Variants in WDR41 observed in about 807,000 individuals in gnomAD.
WDR41 encodes the protein WD repeat-containing protein 41.
A neutral mutation model predicts 69.3 loss-of-function variants in WDR41; 63 were observed. The observed-to-expected ratio is 0.91, with a 90% confidence interval of 0.74 to 1.12. The LOEUF is 1.12. WDR41 is among the 50% of genes most tolerant of loss of function. The pLI, the probability that WDR41 is intolerant of heterozygous loss-of-function variation, is 0.00. For missense variants in WDR41, 543 were observed against 534.5 expected, an observed-to-expected ratio of 1.02 and a Z score of -0.16; for synonymous variants, 185 against 192.1, an observed-to-expected ratio of 0.96 and a Z score of 0.31.
At chr5:77,523,661 G>T (rs1176506693) in intron 1 of WDR41, among the ~76,000 whole-genome samples, 1 of 151,938 alleles carries the variant, frequency 6.6e-6, no homozygotes, top group African/African-American at 2.4e-5. Context: ...CAGATACCTG[G>T]AATACCAGGC....
intron 2 of WDR41, among the ~76,000 whole-genome samples, chr5:77,473,932 T>G (rs1280403894): frequency 6.6e-6 from 1 of 152,310 alleles, no homozygotes; most frequent in East Asian, 1.9e-4. Flanking sequence ...ATCCCATTAC[T>G]GGGTATATAC....
At chr5:77,611,377 C>T (rs1429413321) in intron 1 of WDR41, among the ~76,000 whole-genome samples, 5 of 152,222 alleles carry the variant, frequency 3.3e-5, no homozygotes, top group Non-Finnish European at 5.9e-5. Flanking sequence ...CACACCACAC[C>T]TATTCCAAAA....
chr5:77,612,492 T>C (rs536668321), intron 1 of WDR41, among the ~76,000 whole-genome samples: 5 of 152,230 alleles, frequency 3.3e-5, no homozygotes, highest in South Asian at 2.1e-4. Flanking sequence ...GTTCAATATA[T>C]GCAAATCAAT....
chr5:77,500,324 A>G (rs1001040333), intron 1 of WDR41, among the ~76,000 whole-genome samples: 3 of 152,224 alleles, frequency 2.0e-5, no homozygotes, highest in Non-Finnish European at 4.4e-5. Context: ...TGGATGAACT[A>G]ATAGCAGAAT....
chr5:77,519,897 T>C (rs1366526635), intron 1 of WDR41, among the ~76,000 whole-genome samples: 1 of 151,798 alleles, frequency 6.6e-6, no homozygotes, highest in African/African-American at 2.4e-5. Context: ...TTTTTTTAAA[T>C]TATTCTTAAT....
chr5:77,448,759 T>C (rs1799501999), intron 8 of WDR41, among the ~76,000 whole-genome samples: 1 of 151,576 alleles, frequency 6.6e-6, no homozygotes, highest in Admixed American at 6.6e-5. Flanking sequence ...TTCCAGCTAT[T>C]TGGGAGGCTG....
intron 12 of WDR41, among the ~76,000 whole-genome samples, chr5:77,433,710 C>T (rs1047067694): frequency 1.3e-5 from 2 of 151,924 alleles, no homozygotes; most frequent in African/African-American, 4.8e-5. Flanking sequence ...AGTGTCAGCA[C>T]TACGTTTATG....
chr5:77,478,434 A>C (rs891880936), intron 2 of WDR41, among the ~76,000 whole-genome samples: 13 of 151,934 alleles, frequency 8.6e-5, no homozygotes, highest in Admixed American at 6.6e-4. Context: ...CAATAAAATA[A>C]TGGCAAACCG....
intron 5 of WDR41, among the ~76,000 whole-genome samples, chr5:77,455,949 A>T (rs180713780): frequency 6.6e-6 from 1 of 150,582 alleles, no homozygotes; most frequent in Non-Finnish European, 1.5e-5. Flanking sequence ...CTCCCATATG[A>T]ATTTTAGGAT....
chr5:77,482,939 G>T (rs979031356), intron 2 of WDR41, among the ~76,000 whole-genome samples: 1 of 151,308 alleles, frequency 6.6e-6, no homozygotes, highest in Admixed American at 6.6e-5. Flanking sequence ...ACCAGGAGGG[G>T]GATAACAACC....
chr5:77,501,227 C>T (rs998704806), intron 1 of WDR41, among the ~76,000 whole-genome samples: 1 of 152,242 alleles, frequency 6.6e-6, no homozygotes, highest in Non-Finnish European at 1.5e-5. Context: ...GATTCTCTCC[C>T]ATTTCTGGCT....
chr5:77,613,914 T>A (rs1744620445), intron 1 of WDR41, among the ~76,000 whole-genome samples: 1 of 152,082 alleles, frequency 6.6e-6, no homozygotes, highest in Non-Finnish European at 1.5e-5. Context: ...AGGGCTAATA[T>A]CCAGAATCTG....
intron 1 of WDR41, among the ~76,000 whole-genome samples, chr5:77,501,928 A>C (rs1246504373): frequency 1.3e-5 from 2 of 152,240 alleles, no homozygotes; most frequent in Non-Finnish European, 2.9e-5. Flanking sequence ...GAGAAATCAG[A>C]GCAGAAAAAC....
intron 1 of WDR41, among the ~76,000 whole-genome samples, chr5:77,612,774 G>C (rs1435503663): frequency 6.7e-6 from 1 of 149,444 alleles, no homozygotes; most frequent in Non-Finnish European, 1.5e-5. Context: ...ATTCAACATA[G>C]TGTTGGAAGT....
At chr5:77,444,210 A>C (rs1280060624) in intron 8 of WDR41, among the ~76,000 whole-genome samples, 1 of 152,132 alleles carries the variant, frequency 6.6e-6, no homozygotes, top group South Asian at 2.1e-4. Context: ...CAGTTTACAC[A>C]TGGCAAACTA....
rs562961813 is a variant in WDR41, at chr5:77,449,431, C to A, written c.697+329G>T. 2.0e-5 allele frequency among the ~76,000 whole-genome samples: 3 copies of A among 152,268 alleles called. No individual in the cohort carries two copies. In the East Asian group the frequency reaches 5.8e-4, roughly 29 times the overall value. On this transcript the variant is annotated intron_variant, in intron 8 of 12. Transcript: ENST00000296679. Reference sequence around the variant, plus strand: ...AAAGGGCATATTTCCAATCTCTCTACAAAAGAGGAACTAGCCAGAAACAGC... The same window carrying A: ...AAAGGGCATATTTCCAATCTCTCTAAAAAAGAGGAACTAGCCAGAAACAGC...
At chr5:77,538,043 AAT>A (rs1354837053) in intron 1 of WDR41, among the ~76,000 whole-genome samples, 30 of 152,050 alleles carry the variant, frequency 2.0e-4, no homozygotes, top group African/African-American at 7.2e-4. Context: ...CCACCCAAAT[AAT>A]ATACATTGTA....
chr5:77,515,400 A>G lies in WDR41; in HGVS notation c.43-25828T>C, dbSNP rs565257163. On this transcript the variant is annotated intron_variant, in intron 1 of 5. Transcript: ENST00000509971. ...TCAGGAGGTCTTCAGGGGCAATAAC[A>G]CATATGAAACTGTCATCTATTATGA... 7.5e-4 allele frequency among the ~76,000 whole-genome samples: 115 copies of G among 152,322 alleles called. 1 individual carries two copies. The highest frequency in any genetic ancestry group is 2.7e-3 in the African/African-American group (112 of 41,566).
chr5:77,455,649 T>A (rs952726172), intron 5 of WDR41, among the ~76,000 whole-genome samples: 1 of 152,188 alleles, frequency 6.6e-6, no homozygotes, highest in East Asian at 1.9e-4. Context: ...AGGGATAAAA[T>A]TTCATTATTT....
Sources: gnomAD v4.1 joint callset for allele counts (sites outside exome capture counted in the v4.1 genomes callset) on GRCh38, gnomAD v4.1.1 for gene constraint, MANE v1.5 for transcripts, NCBI Gene and HGNC (gene_info 2026-07-23, HGNC 2026-07-21) for gene names.